LHX8: variants seen among roughly 807,000 people sequenced by gnomAD.
LHX8 encodes LIM homeobox 8, also known as LIM/homeobox protein Lhx8.
LHX8 carries 12 observed loss-of-function variants against 40.3 expected under a neutral mutation model. The observed-to-expected ratio is 0.30, with a 90% confidence interval of 0.19 to 0.48. LHX8 has a LOEUF of 0.48. LHX8 is among the 20% of genes least tolerant of loss of function. The probability of loss-of-function intolerance (pLI) is 0.99; values close to 1 mark genes in which losing one functional copy is unlikely to be tolerated. For missense variants in LHX8, 344 were observed against 433.7 expected, an observed-to-expected ratio of 0.79 and a Z score of 1.84; for synonymous variants, 179 against 162.0, an observed-to-expected ratio of 1.10 and a Z score of -0.80.
chr1:75,156,106 C>T (rs1477153816), intron 7 of LHX8, among the ~76,000 whole-genome samples: 2 of 151,622 alleles, frequency 1.3e-5, no homozygotes, highest in Non-Finnish European at 2.9e-5. Context: ...TCTTGAGGGC[C>T]CTTCCCCACC....
chr1:75,131,645 G>C (rs1647963514), upstream of LHX8: 1 of 152,270 alleles, frequency 6.6e-6, no homozygotes, highest in Admixed American at 6.5e-5. Context: ...GTGGGGGTCA[G>C]GGCGGGTTGA....
At position 75,143,131 on chromosome 1, in the gene LHX8, C is replaced by T. The variant is rs1648361638; in HGVS notation, c.373C>T (p.Arg125Cys). Reference protein sequence around the residue: ...KLDYFRRYGTRCSRCGRHIHS... With the variant: ...KLDYFRRYGTCCSRCGRHIHS... Reference sequence around the variant, plus strand: ...TATTTAATGTAGAAGGTATGGAACTCGCTGCTCTCGATGTGGGAGACACAT... The same window carrying T: ...TATTTAATGTAGAAGGTATGGAACTTGCTGCTCTCGATGTGGGAGACACAT... Residue 125 changes from arginine to cysteine, a missense_variant, in exon 5 of 9, where the codon CGC (arginine) becomes TGC (cysteine). Arg to Cys is a radical substitution (Grantham distance 180). Coordinates refer to ENST00000356261, the MANE Select transcript of LHX8 (RefSeq NM_001256114.2). 1.9e-6 allele frequency: 3 copies of T among 1,613,450 alleles called. No individual in the cohort carries two copies. The highest frequency in any genetic ancestry group is 2.5e-6 in the Non-Finnish European group (3 of 1,179,584).
the LHX8 span, among the ~76,000 whole-genome samples, chr1:75,193,943 T>C: frequency 6.6e-6 from 1 of 152,224 alleles, no homozygotes; most frequent in South Asian, 2.1e-4. Context: ...TTTCTGATGA[T>C]TCACATTCTG....
In LHX8 at chr1:75,160,879, CA is replaced by C. The variant is rs1648900324; in HGVS notation, c.1027del (p.Ile343Ter). 6.2e-7 allele frequency: 1 copy of C among 1,611,308 alleles called. No individual in the cohort carries two copies. On this transcript the variant is annotated frameshift_variant, in exon 9 of 9. Coordinates refer to ENST00000356261, the MANE Select transcript of LHX8 (RefSeq NM_001256114.2). LOFTEE classifies it high-confidence loss of function. ...PLLPHSMTQLPISHT is the reference protein window; with the variant it reads ...PLLPHSMTQLXISHT ...TTACCCCATTCAATGACACAACTGC[CA>C]ATAAGTCATACCTAATTCTTTTTTC...
At chr1:75,156,264 CAG>C (rs1443610576) in intron 7 of LHX8, among the ~76,000 whole-genome samples, 4 of 151,448 alleles carry the variant, frequency 2.6e-5, no homozygotes, top group African/African-American at 9.7e-5. Flanking sequence ...GTTTTTGAGA[CAG>C]AGTCTTGCTA....
In LHX8 at chr1:75,144,219, G is replaced by A. The variant is rs369536059; in HGVS notation, c.684+271G>A. Among the ~76,000 whole-genome samples, 3 of 152,132 alleles carry A rather than the reference G, an allele frequency of 2.0e-5. No homozygotes were observed. The East Asian group carries it at 5.8e-4, about 29-fold the overall frequency. On this transcript the variant is annotated intron_variant, in intron 6 of 8. Transcript: ENST00000356261. The stretch of plus-strand genomic sequence containing the variant: ...CATCAAAGTGGAAACAAAGTATTTT[G>A]TCCTGACTTCCTGATTGCATCGTTC...
rs1347064515 is a variant in LHX8 at position 75,148,519 on chromosome 1, A to G, written c.685-68A>G. 1.0e-5 allele frequency: 11 copies of G among 1,088,826 alleles called. No homozygotes were observed. The East Asian group carries it at 2.5e-4, about 25-fold the overall frequency. 67.4% of individuals were successfully genotyped at this position (1,088,826 alleles called of 1,614,324 possible). On this transcript the variant is annotated intron_variant, in intron 6 of 8. Transcript: ENST00000356261. The stretch of plus-strand genomic sequence containing the variant: ...TTGTGCATGTCTTACCTCTTATGAT[A>G]AAAATGCAGGAAGAAGACTGAGCTG...
chr1:75,142,153 C>T (rs1354164164), intron 4 of LHX8, among the ~76,000 whole-genome samples: 2 of 152,090 alleles, frequency 1.3e-5, no homozygotes, highest in African/African-American at 4.8e-5. Flanking sequence ...GAAAGGTTTG[C>T]TTTGAAAGAT....
At chr1:75,148,098 CA>C (rs1313751131) in intron 6 of LHX8, among the ~76,000 whole-genome samples, 1 of 151,986 alleles carries the variant, frequency 6.6e-6, no homozygotes, top group African/African-American at 2.4e-5. Context: ...AGCTAGTGCT[CA>C]AAACTATGAT....
At chr1:75,187,072 T>C in the LHX8 span, among the ~76,000 whole-genome samples, 2 of 152,198 alleles carry the variant, frequency 1.3e-5, no homozygotes, top group Non-Finnish European at 2.9e-5. Flanking sequence ...AGCCTCTTTT[T>C]GCCAGCATAA....
At chr1:75,130,435 G>A (rs1647931895), upstream of LHX8, 39 of 554,764 alleles carry the variant, frequency 7.0e-5, 1 homozygote, top group South Asian at 8.5e-4. Flanking sequence ...GGCGGGTGGC[G>A]AAGGCAGGGT....
At position 75,148,695 on chromosome 1, in the gene LHX8, C is replaced by CT. The variant is rs35220110; in HGVS notation, c.780+27dup. On this transcript the variant is annotated intron_variant, in intron 7 of 8. Coordinates refer to ENST00000356261, the MANE Select transcript of LHX8 (RefSeq NM_001256114.2). ...ACGTGTGATACAGGTGATTACTTTA[C>CT]TTTTTTTTTTTTTTAAGGTTTTTAA... The CT allele has an allele frequency of 0.034, 44,989 of 1,309,634 alleles. 5 individuals are homozygous for CT. Among genetic ancestry groups the CT allele is most frequent in the East Asian group, 0.18 (6,366 of 34,936 alleles). 81.1% of individuals were successfully genotyped at this position (1,309,634 alleles called of 1,614,324 possible).
chr1:75,157,677 A>G (rs551831051), intron 8 of LHX8, among the ~76,000 whole-genome samples: 1 of 152,310 alleles, frequency 6.6e-6, no homozygotes, highest in South Asian at 2.1e-4. Flanking sequence ...TTTGAACCAC[A>G]CAGAATGTAT....
chr1:75,139,574 G>A (rs1648255206), intron 3 of LHX8, among the ~76,000 whole-genome samples: 1 of 152,024 alleles, frequency 6.6e-6, no homozygotes, highest in South Asian at 2.1e-4. Flanking sequence ...AAAATATAAG[G>A]AAAATGCTTT....
chr1:75,145,576 C>T (rs1277204617), intron 6 of LHX8, among the ~76,000 whole-genome samples: 1 of 152,092 alleles, frequency 6.6e-6, no homozygotes, highest in African/African-American at 2.4e-5. Flanking sequence ...TTAACTTTTA[C>T]AACAAACCTC....
chr1:75,186,926 T>G, the LHX8 span, among the ~76,000 whole-genome samples: 1 of 152,164 alleles, frequency 6.6e-6, no homozygotes, highest in Non-Finnish European at 1.5e-5. Context: ...AACTTATAAT[T>G]GGAAGCCCTG....
chr1:75,134,906 CTG>C lies in LHX8; in HGVS notation c.-59_-58del, dbSNP rs1347440328. The C allele has an allele frequency of 6.1e-6, 6 of 985,112 alleles. No individual in the cohort carries two copies. In the African/African-American group the frequency reaches 8.7e-5, roughly 14 times the overall value. The allele number at this position is 985,112 out of a possible 1,614,324, so 61.0% of individuals were successfully genotyped here. A position where few individuals can be genotyped will look rare whatever the true frequency, so the allele number is the denominator to read the frequency against. ...GCTCACTTAACCTGAGACATGGAGACTGTAATTTGGGAGATGAAGCCTCGAGC... is the reference window on the plus strand; with the variant it reads ...GCTCACTTAACCTGAGACATGGAGACTAATTTGGGAGATGAAGCCTCGAGC... On this transcript the variant is annotated 5_prime_UTR_variant, in exon 1 of 9. It removes the in-frame stop codon of an upstream open reading frame in the 5' UTR. Coordinates refer to ENST00000356261, the MANE Select transcript of LHX8 (RefSeq NM_001256114.2).
intron 3 of LHX8, among the ~76,000 whole-genome samples, chr1:75,140,734 A>G (rs1648290220): frequency 6.6e-6 from 1 of 152,200 alleles, no homozygotes; most frequent in African/African-American, 2.4e-5. Context: ...TCTTCAAAGG[A>G]ATAGAAAATA....
chr1:75,132,849 C>G (rs554527868), upstream of LHX8: 8 of 152,346 alleles, frequency 5.3e-5, no homozygotes, highest in African/African-American at 1.7e-4. Context: ...AAATCCTGCT[C>G]TATACACGAC....
Sources: gnomAD v4.1 joint callset for allele counts (sites outside exome capture counted in the v4.1 genomes callset) on GRCh38, gnomAD v4.1.1 for gene constraint, MANE v1.5 for transcripts, NCBI Gene and HGNC (gene_info 2026-07-23, HGNC 2026-07-21) for gene names.